The following SULF1 variants were observed in gnomAD, a reference collection of about 807,000 sequenced individuals.
The protein encoded by SULF1 is sulfatase 1, also known as extracellular sulfatase Sulf-1.
A neutral mutation model predicts 110.5 loss-of-function variants in SULF1; 46 were observed. The observed-to-expected ratio is 0.42, with a 90% CI of 0.33 to 0.53. The LOEUF (loss-of-function observed/expected upper bound fraction) is 0.53, where lower values mean the gene tolerates loss of function less well. Ranked by LOEUF, SULF1 falls within the 20% of genes least tolerant of loss-of-function variation. The pLI is 0.12. For missense variants in SULF1, 941 were observed against 1,094.2 expected, an observed-to-expected ratio of 0.86 and a Z score of 1.98; for synonymous variants, 371 against 387.1, an observed-to-expected ratio of 0.96 and a Z score of 0.49.
chr8:69,507,544 A>C (rs1288102153), intron 3 of SULF1, among the ~76,000 whole-genome samples: 1 of 152,196 alleles, frequency 6.6e-6, no homozygotes, highest in African/African-American at 2.4e-5. Flanking sequence ...TCCTGGAATA[A>C]TTAGGTGGTG....
chr8:69,474,019 G>T (rs1453576088), intron 1 of SULF1, among the ~76,000 whole-genome samples: 1 of 152,168 alleles, frequency 6.6e-6, no homozygotes, highest in Non-Finnish European at 1.5e-5. Context: ...AGATTATTCA[G>T]TCTAAGTGTC....
At chr8:69,494,676 A>G (rs1475062129) in intron 1 of SULF1, among the ~76,000 whole-genome samples, 2 of 152,212 alleles carry the variant, frequency 1.3e-5, no homozygotes, top group Non-Finnish European at 2.9e-5. Context: ...TCATAATAGA[A>G]GGAACACAAG....
Position 69,659,087 on chromosome 8 carries a change from C to G in SULF1, c.*552C>G. The G allele has an allele frequency of 2.2e-6, 1 of 456,946 alleles. No individual in the cohort carries two copies. The highest frequency in any genetic ancestry group is 4.4e-6 in the Non-Finnish European group (1 of 227,028). 28.3% of individuals were successfully genotyped at this position (456,946 alleles called of 1,614,324 possible). A position where few individuals can be genotyped will look rare whatever the true frequency, so the allele number is the denominator to read the frequency against. On this transcript the variant is annotated 3_prime_UTR_variant, in exon 23 of 23. Transcript: ENST00000402687. Reference sequence around the variant, plus strand: ...AGGCTGCAGCCCATTCGCAGGCACCCGAAAGAACTTCCCCAGTATGGTGGT... The same window carrying G: ...AGGCTGCAGCCCATTCGCAGGCACCGGAAAGAACTTCCCCAGTATGGTGGT...
At chr8:69,505,440 A>C (rs1811120754) in intron 3 of SULF1, among the ~76,000 whole-genome samples, 1 of 152,198 alleles carries the variant, frequency 6.6e-6, no homozygotes. Context: ...TTTTGAGAAA[A>C]TTAAGATTTT....
chr8:69,586,024 A>T (rs371516011), intron 6 of SULF1, among the ~76,000 whole-genome samples: 19 of 152,304 alleles, frequency 1.2e-4, no homozygotes, highest in African/African-American at 4.3e-4. Context: ...TACTTCTCTG[A>T]TTGTTCCATC....
At chr8:69,520,878 T>C (rs963895196) in intron 3 of SULF1, among the ~76,000 whole-genome samples, 3 of 152,186 alleles carry the variant, frequency 2.0e-5, no homozygotes, top group Non-Finnish European at 4.4e-5. Context: ...TTTGATTTTA[T>C]ATCAGACCCT....
intron 7 of SULF1, among the ~76,000 whole-genome samples, chr8:69,588,451 G>A (rs1012877350): frequency 8.5e-5 from 13 of 152,048 alleles, no homozygotes; most frequent in African/African-American, 1.7e-4. Context: ...TGGATTTTTC[G>A]TTTGAAGAAA....
chr8:69,615,676 T>C (rs114501038), intron 13 of SULF1, among the ~76,000 whole-genome samples: 263 of 152,312 alleles, frequency 1.7e-3, no homozygotes, highest in African/African-American at 6.0e-3. Context: ...TACATCATCA[T>C]AGCCAAGGAC....
chr8:69,472,837 A>T (rs931917400), intron 1 of SULF1, among the ~76,000 whole-genome samples: 1 of 151,984 alleles, frequency 6.6e-6, no homozygotes, highest in Non-Finnish European at 1.5e-5. Flanking sequence ...TTTAAATTTT[A>T]ATTTAATTTA....
chr8:69,545,681 GT>G (rs1270258077), intron 3 of SULF1, among the ~76,000 whole-genome samples: 25 of 151,902 alleles, frequency 1.6e-4, no homozygotes, highest in African/African-American at 5.8e-4. Context: ...GTTTTGTTTT[GT>G]TTTTTGGTTT....
chr8:69,485,065 C>G (rs1299555703), intron 1 of SULF1, among the ~76,000 whole-genome samples: 1 of 152,114 alleles, frequency 6.6e-6, no homozygotes, highest in East Asian at 1.9e-4. Flanking sequence ...AGGAAGGGAC[C>G]AGTTGGAGGG....
At chr8:69,645,680 TGGAAAA>T (rs1241671761) in intron 22 of SULF1, among the ~76,000 whole-genome samples, 3 of 152,022 alleles carry the variant, frequency 2.0e-5, no homozygotes, top group Admixed American at 2.0e-4. Flanking sequence ...AGACACAGGA[TGGAAAA>T]GGAAGTCAGT....
intron 1 of SULF1, among the ~76,000 whole-genome samples, chr8:69,469,681 G>A (rs751108543): frequency 1.4e-4 from 22 of 152,290 alleles, no homozygotes; most frequent in African/African-American, 4.6e-4. Flanking sequence ...CCCTAATTAT[G>A]TATCCATATT....
intron 3 of SULF1, among the ~76,000 whole-genome samples, chr8:69,549,634 T>A (rs904006928): frequency 6.6e-6 from 1 of 152,166 alleles, no homozygotes; most frequent in Non-Finnish European, 1.5e-5. Flanking sequence ...TTGAAGATGA[T>A]GTCACTCATT....
chr8:69,482,338 T>C (rs913038886), intron 1 of SULF1, among the ~76,000 whole-genome samples: 3 of 152,242 alleles, frequency 2.0e-5, no homozygotes, highest in African/African-American at 7.2e-5. Context: ...TTTAGTTTTA[T>C]ATAACAATTT....
chr8:69,545,946 C>G (rs933959711), intron 3 of SULF1, among the ~76,000 whole-genome samples: 1 of 152,178 alleles, frequency 6.6e-6, no homozygotes, highest in Non-Finnish European at 1.5e-5. Context: ...CCGCCCACCT[C>G]GGCCTCCCAA....
chr8:69,553,556 C>T (rs1814877727), intron 3 of SULF1, among the ~76,000 whole-genome samples: 1 of 152,162 alleles, frequency 6.6e-6, no homozygotes, highest in South Asian at 2.1e-4. Context: ...AAATGTTGTT[C>T]TATGACACAT....
intron 19 of SULF1, among the ~76,000 whole-genome samples, chr8:69,633,089 G>A (rs372019117): frequency 6.6e-6 from 1 of 151,812 alleles, no homozygotes; most frequent in Non-Finnish European, 1.5e-5. Context: ...TGAGATAAAC[G>A]TTTAAAAAAG....
At chr8:69,643,144 G>A (rs559925017) in intron 22 of SULF1, among the ~76,000 whole-genome samples, 2 of 152,370 alleles carry the variant, frequency 1.3e-5, no homozygotes, top group African/African-American at 4.8e-5. Context: ...ATGGTGGGCA[G>A]GAAATCTTGA....
Sources: allele counts gnomAD v4.1 joint callset (sites outside exome capture counted in the v4.1 genomes callset), GRCh38; gene constraint gnomAD v4.1.1; transcripts MANE v1.5; gene names NCBI Gene and HGNC (gene_info 2026-07-23, HGNC 2026-07-21).